SLC7A6: variants seen among roughly 807,000 people sequenced by gnomAD.
The protein encoded by SLC7A6 is solute carrier family 7 member 6.
A neutral mutation model predicts 46.6 loss-of-function variants in SLC7A6; 29 were observed. The observed-to-expected ratio is 0.62, with a 90% CI of 0.46 to 0.85. The LOEUF is 0.85. SLC7A6 is among the 40% of genes least tolerant of loss of function. SLC7A6 has a pLI of 0.00. For synonymous variants in SLC7A6, 276 were observed against 257.3 expected (o/e 1.07, Z -0.70); for missense variants, 527 against 647.6 (o/e 0.81, Z 2.02).
chr16:68,268,227 G>A (rs2042568399), intron 2 of SLC7A6, among the ~76,000 whole-genome samples: 1 of 152,156 alleles, frequency 6.6e-6, no homozygotes, highest in African/African-American at 2.4e-5. Context: ...TATCCTGTTG[G>A]GGAGGGGCAG....
chr16:68,267,217 T>TA (rs904930748), intron 2 of SLC7A6, among the ~76,000 whole-genome samples: 3 of 146,920 alleles, frequency 2.0e-5, no homozygotes, highest in African/African-American at 7.6e-5. Flanking sequence ...TTTTTTTTTT[T>TA]TTTTTTTTTT....
At chr16:68,274,332 G>A (rs141546108) in intron 2 of SLC7A6, among the ~76,000 whole-genome samples, 1 of 152,342 alleles carries the variant, frequency 6.6e-6, no homozygotes, top group Non-Finnish European at 1.5e-5. Context: ...GGTCTTCTCT[G>A]CAGGGCAGGT....
chr16:68,267,206 ATTT>A (rs1189220005), intron 2 of SLC7A6, among the ~76,000 whole-genome samples: 4 of 87,664 alleles, frequency 4.6e-5, no homozygotes, highest in African/African-American at 9.1e-5. Context: ...ATTGTGGTGG[ATTT>A]TTTTTTTTTT....
chr16:68,301,716 C>T lies in SLC7A6; in HGVS notation c.*4388C>T. On this transcript the variant is annotated 3_prime_UTR_variant, in exon 11 of 11. Transcript: ENST00000219343. ...TAGTCATATTGTAAATATTTTTGTACCTTTCTCCTTTTAACGTGTTATTGA... is the reference window on the plus strand; with the variant it reads ...TAGTCATATTGTAAATATTTTTGTATCTTTCTCCTTTTAACGTGTTATTGA... 1 of 193,490 alleles carries T rather than the reference C, an allele frequency of 5.2e-6. No homozygotes were observed. Among genetic ancestry groups the T allele is most frequent in the South Asian group, 1.6e-4 (1 of 6,348 alleles). The allele number at this position is 193,490 out of a possible 1,614,324, so 12.0% of individuals were successfully genotyped here. A position where few individuals can be genotyped will look rare whatever the true frequency, so the allele number is the denominator to read the frequency against.
Position 68,301,379 on chromosome 16 carries a change from C to T in SLC7A6, c.*4051C>T. On this transcript the variant is annotated 3_prime_UTR_variant, in exon 11 of 11. Coordinates refer to ENST00000219343, the MANE Select transcript of SLC7A6 (RefSeq NM_003983.6). The stretch of plus-strand genomic sequence containing the variant: ...TGTCTGCTGCTGCCTCTTTCCTCCT[C>T]ACTCAGGCTGTTGTAGTCAGCAGAG... The T allele has an allele frequency of 6.2e-7, 1 of 1,614,164 alleles. No individual in the cohort carries two copies. The highest frequency in any genetic ancestry group is 8.5e-7 in the Non-Finnish European group (1 of 1,180,014).
intron 1 of SLC7A6, among the ~76,000 whole-genome samples, 175 bp from the exon 2 acceptor site, chr16:68,266,418 T>C (rs1404434281): frequency 2.0e-5 from 3 of 152,234 alleles, no homozygotes; most frequent in Non-Finnish European, 4.4e-5. Flanking sequence ...TGGAACCTGC[T>C]AGTAATTAGG....
chr16:68,275,791 T>C (rs2042701917), intron 3 of SLC7A6, among the ~76,000 whole-genome samples: 1 of 151,952 alleles, frequency 6.6e-6, no homozygotes, highest in Non-Finnish European at 1.5e-5. Flanking sequence ...ATTCCTCCTC[T>C]CTTGGCTGCC....
chr16:68,267,984 T>G (rs1342981981), intron 2 of SLC7A6, among the ~76,000 whole-genome samples: 2 of 152,178 alleles, frequency 1.3e-5, no homozygotes, highest in Non-Finnish European at 2.9e-5. Flanking sequence ...GGATGGTACT[T>G]CTCCCTGGGA....
At chr16:68,270,267 G>C (rs1338359018) in intron 2 of SLC7A6, among the ~76,000 whole-genome samples, 1 of 151,972 alleles carries the variant, frequency 6.6e-6, no homozygotes, top group African/African-American at 2.4e-5. Flanking sequence ...GGGTGCTCCT[G>C]CCCTTTTCCC....
chr16:68,271,750 A>G (rs2042627165), intron 2 of SLC7A6, among the ~76,000 whole-genome samples: 1 of 152,142 alleles, frequency 6.6e-6, no homozygotes, highest in African/African-American at 2.4e-5. Context: ...GCAAAGAGGT[A>G]GGAACTTTAA....
At chr16:68,290,971 T>C (rs926773795) in intron 5 of SLC7A6, 2 of 539,456 alleles carry the variant, frequency 3.7e-6, no homozygotes, top group Non-Finnish European at 6.7e-6. Flanking sequence ...TGAAACCCAG[T>C]AGGACCCATT....
chr16:68,291,103 G>A (rs933237406), intron 5 of SLC7A6, 106 bp from the exon 6 acceptor site: 27 of 1,446,758 alleles, frequency 1.9e-5, no homozygotes, highest in African/African-American at 2.8e-5. Flanking sequence ...AAGACTTGGA[G>A]GCTAGTGAAC....
In SLC7A6 at chr16:68,296,353, C is replaced by T; in HGVS notation, c.1120-11C>T. ...ACGATGCTCACCTGTCTCCCCACCC[C>T]TTTCCCACAGTGCACCATGGCACTC... On this transcript the variant is annotated splice_polypyrimidine_tract_variant and intron_variant, in intron 8 of 10. Transcript: ENST00000219343. The T allele has an allele frequency of 6.2e-7, 1 of 1,613,810 alleles. No individual in the cohort carries two copies. The highest frequency in any genetic ancestry group is 1.1e-5 in the South Asian group (1 of 91,062).
At chr16:68,295,491 A>G (rs925777170) in intron 8 of SLC7A6, among the ~76,000 whole-genome samples, 1 of 152,106 alleles carries the variant, frequency 6.6e-6, no homozygotes, top group Non-Finnish European at 1.5e-5. Flanking sequence ...AGGTCTCACT[A>G]TGTTGCCCAG....
intron 8 of SLC7A6, among the ~76,000 whole-genome samples, chr16:68,295,181 G>A (rs1272948133): frequency 2.0e-5 from 3 of 151,990 alleles, no homozygotes; most frequent in Non-Finnish European, 4.4e-5. Flanking sequence ...CCCCTTAAAT[G>A]TGCCATCTCA....
intron 5 of SLC7A6, 126 bp from the exon 6 acceptor site, chr16:68,291,083 G>A: frequency 1.6e-6 from 2 of 1,220,094 alleles, no homozygotes; most frequent in Admixed American, 4.0e-5. Flanking sequence ...GGGAAGGTGA[G>A]CCTCCCTCAA....
At chr16:68,287,660 G>T in intron 3 of SLC7A6, 86 bp from the exon 4 acceptor site, 1 of 1,558,734 alleles carries the variant, frequency 6.4e-7, no homozygotes, top group Non-Finnish European at 8.7e-7. Flanking sequence ...GGCAGGAAGG[G>T]CAGAAAGAGT....
At chr16:68,295,156 A>AATT (rs2043137513) in intron 8 of SLC7A6, among the ~76,000 whole-genome samples, 2 of 152,228 alleles carry the variant, frequency 1.3e-5, no homozygotes, top group South Asian at 4.2e-4. Flanking sequence ...AATATGTGCC[A>AATT]ATTATTATTG....
chr16:68,292,676 G>A (rs921081373), intron 7 of SLC7A6: 1 of 152,062 alleles, frequency 6.6e-6, no homozygotes, highest in African/African-American at 2.4e-5. Context: ...GAGGCATGAG[G>A]GCTTGTGAGA....
Sources: gnomAD v4.1 joint callset for allele counts (sites outside exome capture counted in the v4.1 genomes callset) on GRCh38, gnomAD v4.1.1 for gene constraint, MANE v1.5 for transcripts, NCBI Gene and HGNC (gene_info 2026-07-23, HGNC 2026-07-21) for gene names.